The following PFKFB3 variants were observed in gnomAD, a reference collection of about 807,000 sequenced individuals.
PFKFB3 encodes the protein 6-phosphofructo-2-kinase/fructose-2,6-biphosphatase 3, also known as 6-phosphofructo-2-kinase/fructose-2,6-bisphosphatase 3.
Under a neutral mutation model 68.0 loss-of-function variants are expected in PFKFB3, and 33 were observed. The observed-to-expected ratio is 0.49, with a 90% CI of 0.37 to 0.65. The LOEUF is 0.65. Ranked by LOEUF, PFKFB3 falls within the 30% of genes least tolerant of loss-of-function variation. The pLI, the probability that PFKFB3 is intolerant of heterozygous loss-of-function variation, is 0.00. For missense variants in PFKFB3, 586 were observed against 712.2 expected (o/e 0.82, Z 2.02); for synonymous variants, 315 against 288.2 (o/e 1.09, Z -0.94).
chr10:6,219,603 G>T lies in PFKFB3; in HGVS notation c.533G>T (p.Cys178Phe). The T allele has an allele frequency of 6.2e-7, 1 of 1,613,964 alleles. No homozygotes were observed. Among genetic ancestry groups the T allele is most frequent in the Non-Finnish European group, 8.5e-7 (1 of 1,179,892 alleles). The change falls in exon 7 of 15, where the codon TGC becomes TTC. Residue 178 changes from cysteine (C) to phenylalanine (F), a missense_variant. Transcript: ENST00000379775. ...VKISSPDYKD[C>F]NSAEAMDDFM... is the part of the protein sequence containing the mutation. Reference sequence around the variant, plus strand: ...ATCTCCAGCCCGGATTACAAAGACTGCAACTCGGCAGAAGCCATGGACGAC... The same window carrying T: ...ATCTCCAGCCCGGATTACAAAGACTTCAACTCGGCAGAAGCCATGGACGAC...
chr10:6,155,242 G>C (rs1463787331), intron 1 of PFKFB3, among the ~76,000 whole-genome samples: 6 of 133,142 alleles, frequency 4.5e-5, no homozygotes, highest in Non-Finnish European at 3.1e-5. Flanking sequence ...CCGCTCTGTC[G>C]CCCAGGCTGG....
intron 13 of PFKFB3, chr10:6,225,130 G>A (rs1845252527): frequency 2.2e-6 from 1 of 456,168 alleles, no homozygotes; most frequent in Non-Finnish European, 4.4e-6. Flanking sequence ...GACGCGTGTT[G>A]TGAAAGTGAG....
Position 6,225,660 on chromosome 10 carries a change from G to A in PFKFB3, c.1342-532G>A, listed in dbSNP as rs557885293. Among the ~76,000 whole-genome samples the A allele has an allele frequency of 3.9e-5, 6 of 152,292 alleles. No individual in the cohort carries two copies. In the South Asian group the frequency reaches 1.0e-3, roughly 26 times the overall value. ...CTGCTTCCTGCTGCACATTTTCTGC[G>A]CCTTTGGTCTCCAGGCTTGTTTTGC... On this transcript the variant is annotated intron_variant, in intron 13 of 14. Transcript: ENST00000379775.
upstream of PFKFB3, among the ~76,000 whole-genome samples, chr10:6,199,610 A>G (rs893160182): frequency 6.6e-6 from 1 of 151,050 alleles, no homozygotes; most frequent in African/African-American, 2.4e-5. Flanking sequence ...TCAGTCTCCA[A>G]AATAACTGGG....
chr10:6,204,942 T>A (rs1843586159), intron 1 of PFKFB3, among the ~76,000 whole-genome samples: 1 of 152,212 alleles, frequency 6.6e-6, no homozygotes, highest in African/African-American at 2.4e-5. Context: ...TCTGTTGGCA[T>A]CAGCTCAGTT....
the PFKFB3 span, among the ~76,000 whole-genome samples, chr10:6,298,618 G>A: frequency 1.4e-4 from 22 of 151,982 alleles, no homozygotes; most frequent in Non-Finnish European, 2.5e-4. Context: ...CTCCTGCCTC[G>A]GCCTCCCAAA....
chr10:6,303,082 C>T, the PFKFB3 span, among the ~76,000 whole-genome samples: 2 of 152,140 alleles, frequency 1.3e-5, no homozygotes, highest in African/African-American at 4.8e-5. Context: ...TTATAAAGCA[C>T]AAATATTTGT....
At chr10:6,282,786 T>C in the PFKFB3 span, among the ~76,000 whole-genome samples, 1 of 152,218 alleles carries the variant, frequency 6.6e-6, no homozygotes, top group Non-Finnish European at 1.5e-5. Flanking sequence ...TATGCCATAT[T>C]CTGCCATCAA....
the PFKFB3 span, among the ~76,000 whole-genome samples, chr10:6,325,986 C>T: frequency 8.0e-4 from 122 of 152,312 alleles, 4 homozygotes; most frequent in South Asian, 0.024. Context: ...ATACCACGTT[C>T]AAGAGGCTTC....
chr10:6,216,304 A>G (rs1844576977), intron 4 of PFKFB3, 113 bp downstream of exon 4: 1 of 1,050,590 alleles, frequency 9.5e-7, no homozygotes, highest in African/African-American at 1.6e-5. Context: ...GGAGGAAAGC[A>G]GGTGGCCAGG....
chr10:6,203,448 C>A, intron 1 of PFKFB3, 112 bp downstream of exon 1: 2 of 577,978 alleles, frequency 3.5e-6, no homozygotes, highest in Non-Finnish European at 4.9e-6. Context: ...CCGTGCGGGT[C>A]GCGCCGGCGG....
At chr10:6,323,825 C>T in the PFKFB3 span, among the ~76,000 whole-genome samples, 2 of 152,164 alleles carry the variant, frequency 1.3e-5, no homozygotes, top group Admixed American at 6.5e-5. Flanking sequence ...TGAGATGCTG[C>T]AGCTTCTGTG....
At chr10:6,203,366 AGGGCGG>A (rs755072253) in intron 1 of PFKFB3, 30 bp downstream of exon 1, 60 of 1,555,534 alleles carry the variant, frequency 3.9e-5, no homozygotes, top group Non-Finnish European at 5.1e-5. Context: ...GCCGGGTTGC[AGGGCGG>A]GCTGCGCCGG....
chr10:6,261,256 G>A, the PFKFB3 span, among the ~76,000 whole-genome samples: 22 of 152,228 alleles, frequency 1.4e-4, 1 homozygote, highest in African/African-American at 4.6e-4. Context: ...TTTGTAGGAT[G>A]TTTTCTGGAT....
chr10:6,232,159 G>A lies in PFKFB3; in HGVS notation c.1516-736G>A, dbSNP rs1006709350. Among the ~76,000 whole-genome samples the A allele has an allele frequency of 9.2e-5, 14 of 151,942 alleles. No homozygotes were observed. The East Asian group carries it at 1.6e-3, about 17-fold the overall frequency. Reference sequence around the variant, plus strand: ...TGTGTGTTTTCTTGTTTTTTGAGGCGTAGGTGAAGCAGGTCACGGAAGGAG... The same window carrying A: ...TGTGTGTTTTCTTGTTTTTTGAGGCATAGGTGAAGCAGGTCACGGAAGGAG... On this transcript the variant is annotated intron_variant, in intron 14 of 14. Transcript: ENST00000379775.
At chr10:6,316,525 C>A in the PFKFB3 span, among the ~76,000 whole-genome samples, 2 of 152,298 alleles carry the variant, frequency 1.3e-5, no homozygotes, top group South Asian at 4.1e-4. Context: ...GTCATCCAGG[C>A]TGGAGTGCAG....
chr10:6,214,748 A>T (rs1166723402), intron 2 of PFKFB3, among the ~76,000 whole-genome samples: 3 of 152,196 alleles, frequency 2.0e-5, no homozygotes, highest in Non-Finnish European at 4.4e-5. Flanking sequence ...AGTGCCCAGG[A>T]ACCATGGGAC....
the PFKFB3 span, among the ~76,000 whole-genome samples, chr10:6,268,728 A>G: frequency 6.6e-6 from 1 of 151,852 alleles, no homozygotes; most frequent in East Asian, 1.9e-4. Flanking sequence ...TCAAACATAA[A>G]GAGGTTAAAG....
intron 1 of PFKFB3, among the ~76,000 whole-genome samples, chr10:6,191,019 T>C (rs1447341055): frequency 6.6e-6 from 1 of 152,114 alleles, no homozygotes; most frequent in Non-Finnish European, 1.5e-5. Flanking sequence ...GCTTAAGCGA[T>C]CCTCCCAGTT....
Sources: allele counts gnomAD v4.1 joint callset (sites outside exome capture counted in the v4.1 genomes callset), GRCh38; gene constraint gnomAD v4.1.1; transcripts MANE v1.5; gene names NCBI Gene and HGNC (gene_info 2026-07-23, HGNC 2026-07-21).